Variants in PLCL1 observed in about 807,000 individuals in gnomAD.
PLCL1 encodes the protein phospholipase C like 1 (inactive).
In PLCL1, 41 loss-of-function variants were observed where a neutral mutation model predicts 84.4. The observed-to-expected ratio is 0.49, with a 90% confidence interval of 0.38 to 0.63. PLCL1 has a LOEUF of 0.63. Among genes scored for constraint, PLCL1 ranks in the 30% least tolerant of loss-of-function variants. PLCL1 has a pLI of 0.00. For missense variants in PLCL1, 1,206 were observed against 1,367.8 expected (o/e 0.88, Z 1.87); for synonymous variants, 490 against 488.3 (o/e 1.00, Z -0.05).
At position 198,085,129 on chromosome 2, in the gene PLCL1, A is replaced by T. The variant is rs770432096; in HGVS notation, c.1612A>T (p.Ile538Phe). ...ACCAGAAAAATTAAAAAGAATGATC[A>T]TTGTGAAAGGAAAGAAGTTGCCTTC... Reference protein sequence around the residue: ...PSPEKLKRMIIVKGKKLPSDP... With the variant: ...PSPEKLKRMIFVKGKKLPSDP... The change falls in exon 2 of 6, where the codon ATT (isoleucine) becomes TTT (phenylalanine). Residue 538 changes from isoleucine (I) to phenylalanine (F), a missense_variant. By Grantham distance (21) the Ile-to-Phe change is conservative. Coordinates refer to ENST00000428675, the MANE Select transcript of PLCL1 (RefSeq NM_006226.4). This position sits in a 1 kb window ranked among gnomAD's most constrained non-coding sequence, Gnocchi z 5.3. 3 of 1,614,116 alleles carry T rather than the reference A, an allele frequency of 1.9e-6. No homozygotes were observed. Among genetic ancestry groups the T allele is most frequent in the Non-Finnish European group, 2.5e-6 (3 of 1,179,996 alleles).
chr2:197,882,029 A>G (rs1687839354), intron 1 of PLCL1, among the ~76,000 whole-genome samples: 1 of 152,184 alleles, frequency 6.6e-6, no homozygotes. Flanking sequence ...TTTTGAATAA[A>G]TGAATGAGAG....
chr2:198,068,066 G>A (rs1692362013), intron 1 of PLCL1, among the ~76,000 whole-genome samples: 1 of 152,124 alleles, frequency 6.6e-6, no homozygotes. Context: ...TGATAGCAAA[G>A]CTAATAAAGT....
At chr2:198,080,369 A>T (rs1692680957) in intron 1 of PLCL1, among the ~76,000 whole-genome samples, 1 of 152,302 alleles carries the variant, frequency 6.6e-6, no homozygotes, top group Middle Eastern at 3.4e-3. Flanking sequence ...AACTTTTTCT[A>T]GTCTGTTTAC....
intron 1 of PLCL1, among the ~76,000 whole-genome samples, chr2:198,067,056 T>C (rs1303144964): frequency 6.6e-6 from 1 of 152,022 alleles, no homozygotes; most frequent in Non-Finnish European, 1.5e-5. Context: ...TCCATAAATA[T>C]ATGTTGAAGA....
intron 1 of PLCL1, among the ~76,000 whole-genome samples, chr2:197,844,380 C>T (rs1164899861): frequency 1.3e-5 from 2 of 150,460 alleles, no homozygotes; most frequent in Non-Finnish European, 3.0e-5. Flanking sequence ...TATGCATCTT[C>T]GTGTTTGGCC....
intron 1 of PLCL1, among the ~76,000 whole-genome samples, chr2:197,959,480 T>A (rs1689565592): frequency 6.6e-6 from 1 of 152,022 alleles, no homozygotes; most frequent in African/African-American, 2.4e-5. Context: ...CATAAAATTA[T>A]TCATCATTTG....
chr2:197,819,216 G>T (rs115585584), intron 1 of PLCL1, among the ~76,000 whole-genome samples: 1,771 of 152,186 alleles, frequency 0.012, 43 homozygotes, highest in African/African-American at 0.04. Flanking sequence ...GAAAGGAAGT[G>T]TAGCAGGGAA....
At chr2:197,979,077 C>A (rs1461756963) in intron 1 of PLCL1, among the ~76,000 whole-genome samples, 1 of 152,102 alleles carries the variant, frequency 6.6e-6, no homozygotes, top group Non-Finnish European at 1.5e-5. Flanking sequence ...TTTTCAGTTG[C>A]TTGGTGTTTG....
rs184116053 is a variant in PLCL1, at chr2:198,031,273, C to T, written c.241-52485C>T. ...CTTGTAGTCCTAGCTACCTGAGAGG[C>T]GTGAGGATTGCTTGAACCCAAGAGT... On this transcript the variant is annotated intron_variant, in intron 1 of 5. Transcript: ENST00000428675. Among the ~76,000 whole-genome samples the T allele has an allele frequency of 2.3e-4, 35 of 151,446 alleles. 1 individual carries two copies. Among genetic ancestry groups the T allele is most frequent in the African/African-American group, 7.7e-4 (32 of 41,294 alleles).
intron 1 of PLCL1, among the ~76,000 whole-genome samples, chr2:197,858,654 TATTAAG>T (rs1331338730): frequency 6.6e-6 from 1 of 152,214 alleles, no homozygotes; most frequent in Non-Finnish European, 1.5e-5. Flanking sequence ...GTAACTTTCT[TATTAAG>T]ATTAAGCAAA....
intron 1 of PLCL1, among the ~76,000 whole-genome samples, chr2:197,896,663 C>T (rs1027853813): frequency 2.0e-5 from 3 of 151,986 alleles, no homozygotes; most frequent in African/African-American, 4.8e-5. Flanking sequence ...TACATGTCTG[C>T]GTTCAAGCTC....
At chr2:197,885,704 A>G (rs559625565) in intron 1 of PLCL1, among the ~76,000 whole-genome samples, 1 of 152,264 alleles carries the variant, frequency 6.6e-6, no homozygotes, top group Admixed American at 6.5e-5. Context: ...CATCTTTCTA[A>G]CTTCATGTCC....
chr2:198,020,050 C>T (rs554742819), intron 1 of PLCL1, among the ~76,000 whole-genome samples: 1 of 152,332 alleles, frequency 6.6e-6, no homozygotes, highest in East Asian at 1.9e-4. Context: ...TCTGCAGAAA[C>T]CCTGCAAGCC....
At chr2:197,841,260 C>T (rs888234350) in intron 1 of PLCL1, among the ~76,000 whole-genome samples, 3 of 151,944 alleles carry the variant, frequency 2.0e-5, no homozygotes, top group African/African-American at 7.3e-5. Context: ...CAGGGTTCAC[C>T]CTTTGTGTTG....
chr2:198,140,411 C>T (rs906643106), intron 5 of PLCL1, among the ~76,000 whole-genome samples: 2 of 151,984 alleles, frequency 1.3e-5, no homozygotes, highest in Admixed American at 6.6e-5. Context: ...AAAAACATGG[C>T]TAATACAAAG....
At chr2:198,137,377 T>C (rs947926535) in intron 5 of PLCL1, among the ~76,000 whole-genome samples, 4 of 152,232 alleles carry the variant, frequency 2.6e-5, no homozygotes, top group Non-Finnish European at 5.9e-5. Flanking sequence ...TCAGTGATAC[T>C]GTCACTAAAT....
chr2:197,918,971 T>TCTCTCTCTCTCTCTCTCTCTCTCTCTCA lies in PLCL1; in HGVS notation c.240+113633_240+113634insTCTCTCTCTCTCTCTCTCTCTCTCTCAC, dbSNP rs373512508. ...CTCTCTCTCTCTCTCTCTCTCTCCC[T>TCTCTCTCTCTCTCTCTCTCTCTCTCTCA]CACACACACACATACACACACAAAG... On this transcript the variant is annotated intron_variant, in intron 1 of 5. Coordinates refer to ENST00000428675, the MANE Select transcript of PLCL1 (RefSeq NM_006226.4). Among the ~76,000 whole-genome samples the TCTCTCTCTCTCTCTCTCTCTCTCTCTCA allele has an allele frequency of 1.9e-4, 27 of 144,652 alleles. 2 individuals are homozygous for TCTCTCTCTCTCTCTCTCTCTCTCTCTCA. The highest frequency in any genetic ancestry group is 6.9e-3 in the Middle Eastern group (2 of 288). 94.9% of individuals were successfully genotyped at this position (144,652 alleles called of 152,430 possible). A position where few individuals can be genotyped will look rare whatever the true frequency, so the allele number is the denominator to read the frequency against.
At chr2:197,991,061 G>A (rs1359858412) in intron 1 of PLCL1, among the ~76,000 whole-genome samples, 1 of 152,134 alleles carries the variant, frequency 6.6e-6, no homozygotes, top group African/African-American at 2.4e-5. Context: ...GTCTGTAAGG[G>A]TGTTTCTGGA....
intron 1 of PLCL1, among the ~76,000 whole-genome samples, chr2:198,053,375 T>C (rs574449320): frequency 1.3e-4 from 20 of 152,330 alleles, no homozygotes; most frequent in African/African-American, 4.8e-4. Flanking sequence ...CTGCTGTGTT[T>C]GCTTTGTGGC....
Sources: gnomAD v4.1 joint callset for allele counts (sites outside exome capture counted in the v4.1 genomes callset) on GRCh38, gnomAD v4.1.1 for gene constraint, Gnocchi (gnomAD v3.1) non-coding constraint, MANE v1.5 for transcripts, NCBI Gene and HGNC (gene_info 2026-07-23, HGNC 2026-07-21) for gene names.